The following KALRN variants were observed in gnomAD, a reference collection of about 807,000 sequenced individuals.
KALRN encodes kalirin RhoGEF kinase, also known as kalirin.
In KALRN, 70 loss-of-function variants were observed where a neutral mutation model predicts 353.7. The ratio of observed to expected loss-of-function variants is 0.20; its 90% CI spans 0.16 to 0.24. The LOEUF (loss-of-function observed/expected upper bound fraction) is 0.24. Ranked by LOEUF, KALRN falls within the 10% of genes least tolerant of loss-of-function variation. KALRN has a pLI of 1.00. For synonymous variants in KALRN, 1,391 were observed against 1,434.8 expected (o/e 0.97, Z 0.69); for missense variants, 2,791 against 3,756.7 (o/e 0.74, Z 6.72).
chr3:124,243,761 T>C (rs1275850936), intron 3 of KALRN, among the ~76,000 whole-genome samples: 2 of 152,124 alleles, frequency 1.3e-5, no homozygotes, highest in African/African-American at 2.4e-5. Context: ...TTCTTACCTA[T>C]AAAATAGGCA....
rs1449150867 is a variant in KALRN, at chr3:124,361,434, C to T, written c.1770+14169C>T. Among the ~76,000 whole-genome samples, 7 of 152,200 alleles carry T rather than the reference C, an allele frequency of 4.6e-5. No homozygotes were observed. In the East Asian group the frequency reaches 1.3e-3, roughly 29 times the overall value. ...ATGTGTATATAGGTACATTTAGTAA[C>T]CAGTTTTTCTCATTTAATGATATAG... On this transcript the variant is annotated intron_variant, in intron 10 of 59. Transcript: ENST00000682506.
At chr3:124,706,516 G>T (rs963713156) in intron 57 of KALRN, among the ~76,000 whole-genome samples, 3 of 152,138 alleles carry the variant, frequency 2.0e-5, no homozygotes, top group Admixed American at 6.5e-5. Flanking sequence ...CTGTAGTAAA[G>T]TAAAAGGTGA....
intron 58 of KALRN, among the ~76,000 whole-genome samples, chr3:124,714,636 C>G (rs1200262854): frequency 1.3e-5 from 2 of 152,162 alleles, no homozygotes; most frequent in Non-Finnish European, 2.9e-5. Flanking sequence ...TCGCTATGCA[C>G]CAACTACCAT....
At chr3:124,549,980 C>A (rs1271853370) in intron 33 of KALRN, among the ~76,000 whole-genome samples, 1 of 151,978 alleles carries the variant, frequency 6.6e-6, no homozygotes, top group Non-Finnish European at 1.5e-5. Context: ...GCTTTGAATG[C>A]CAGGACAAGG....
chr3:124,125,026 G>A (rs2064481082), intron 1 of KALRN, among the ~76,000 whole-genome samples: 1 of 152,166 alleles, frequency 6.6e-6, no homozygotes, highest in Non-Finnish European at 1.5e-5. Flanking sequence ...AAGGCATTCA[G>A]TGCATTTAAA....
chr3:124,151,206 G>T (rs1456402325), intron 1 of KALRN, among the ~76,000 whole-genome samples: 1 of 152,236 alleles, frequency 6.6e-6, no homozygotes, highest in Admixed American at 6.5e-5. Context: ...TACCTAAGGG[G>T]AAATACCAAG....
chr3:124,120,711 A>ATATATATATATATGT (rs2063898907), intron 1 of KALRN, among the ~76,000 whole-genome samples: 1 of 98,938 alleles, frequency 1.0e-5, no homozygotes, highest in African/African-American at 4.3e-5. Flanking sequence ...GAATACTAAA[A>ATATATATATATATGT]ATATATATAT....
chr3:124,283,144 G>A (rs945771331), intron 5 of KALRN, among the ~76,000 whole-genome samples: 5 of 152,228 alleles, frequency 3.3e-5, no homozygotes, highest in African/African-American at 2.4e-5. Flanking sequence ...TGGCACAGCC[G>A]ATTTTAGGAT....
rs551051873 is a variant in KALRN, at chr3:124,538,012, G to A, written c.4936-24831G>A. ...AACAAGCAAAAGAATTGTGAGAAAC[G>A]TCGAAGTCCCCACGGAGGTGTTGGA... On this transcript the variant is annotated intron_variant, in intron 33 of 59. Coordinates refer to ENST00000682506, the MANE Select transcript of KALRN (RefSeq NM_001388419.1). 2.0e-5 allele frequency among the ~76,000 whole-genome samples: 3 copies of A among 152,346 alleles called. No individual in the cohort carries two copies. In the East Asian group the frequency reaches 5.8e-4, roughly 29 times the overall value.
rs769680803 is a variant in KALRN at position 124,441,953 on chromosome 3, C to A, written c.3207C>A (p.Thr1069=). ...EQKEAFLKAC[T]LARRNAEVFL... The stretch of plus-strand genomic sequence containing the variant: ...AGCTTTGTCTTTCGCAGGCCTGCAC[C>A]CTGGCTCGGCGGAATGCTGAGGTGT... The change falls in exon 19 of 60, where the codon ACC becomes ACA. Residue 1069 remains threonine, a synonymous_variant. Transcript: ENST00000682506. 1.9e-6 allele frequency: 3 copies of A among 1,587,032 alleles called. No individual in the cohort carries two copies. Among genetic ancestry groups the A allele is most frequent in the Non-Finnish European group, 2.6e-6 (3 of 1,161,446 alleles).
At chr3:124,671,606 A>G (rs199677600) in intron 47 of KALRN, 54 bp from the exon 48 acceptor site, 2 of 1,356,200 alleles carry the variant, frequency 1.5e-6, no homozygotes, top group African/African-American at 2.9e-5. Context: ...AGAGGCCTCC[A>G]AATCCTTGTG....
chr3:124,212,066 C>T (rs56161629), intron 1 of KALRN, among the ~76,000 whole-genome samples: 6 of 152,088 alleles, frequency 3.9e-5, no homozygotes, highest in East Asian at 1.9e-4. Flanking sequence ...GAGACCAAAG[C>T]GGCAGAGGAT....
intron 33 of KALRN, among the ~76,000 whole-genome samples, chr3:124,512,507 C>A (rs2066037885): frequency 6.6e-6 from 1 of 152,016 alleles, no homozygotes; most frequent in African/African-American, 2.4e-5. Context: ...AAAAATTAGC[C>A]AGGCATGGTG....
intron 37 of KALRN, 124 bp downstream of exon 37, chr3:124,637,427 G>A (rs2081481840): frequency 8.0e-6 from 6 of 751,898 alleles, no homozygotes; most frequent in Admixed American, 4.2e-5. Flanking sequence ...TGCAGCTAAT[G>A]ATGGTTTCTA....
At chr3:124,158,108 A>C (rs1417058959) in intron 1 of KALRN, among the ~76,000 whole-genome samples, 1 of 152,172 alleles carries the variant, frequency 6.6e-6, no homozygotes, top group Non-Finnish European at 1.5e-5. Flanking sequence ...TTCAGAAATT[A>C]TTCTACCCGT....
intron 1 of KALRN, among the ~76,000 whole-genome samples, chr3:124,120,459 G>A (rs2063869223): frequency 2.0e-5 from 3 of 152,104 alleles, no homozygotes; most frequent in African/African-American, 7.2e-5. Flanking sequence ...ATGTTGAGGG[G>A]ACTGTCACTT....
chr3:124,365,624 G>A (rs76852749), intron 10 of KALRN, among the ~76,000 whole-genome samples: 2,084 of 152,284 alleles, frequency 0.014, 43 homozygotes, highest in African/African-American at 0.048. Context: ...TTCTAGATCT[G>A]AGTGTTACCT....
chr3:124,405,241 C>T (rs542809180), intron 13 of KALRN, among the ~76,000 whole-genome samples: 3 of 152,266 alleles, frequency 2.0e-5, no homozygotes, highest in South Asian at 2.1e-4. Context: ...TGGCAGGTCA[C>T]CTGTTTTCAG....
At chr3:124,674,746 C>A in intron 49 of KALRN, 132 bp downstream of exon 49, 3 of 1,046,894 alleles carry the variant, frequency 2.9e-6, no homozygotes, top group Non-Finnish European at 4.0e-6. Context: ...TACCACAGAA[C>A]CAGTGTTTGA....
Sources: gnomAD v4.1 joint callset for allele counts (sites outside exome capture counted in the v4.1 genomes callset) on GRCh38, gnomAD v4.1.1 for gene constraint, MANE v1.5 for transcripts, NCBI Gene and HGNC (gene_info 2026-07-23, HGNC 2026-07-21) for gene names.